Variants in KCNAB1 observed in about 807,000 individuals in gnomAD.
KCNAB1 encodes voltage-gated potassium channel subunit beta-1.
A neutral mutation model predicts 64.6 loss-of-function variants in KCNAB1; 35 were observed. That is an observed-to-expected ratio of 0.54 (90% CI 0.41 to 0.72). KCNAB1 has a LOEUF of 0.72. Among genes scored for constraint, KCNAB1 ranks in the 30% least tolerant of loss-of-function variants. KCNAB1 has a pLI of 0.00. For missense variants in KCNAB1, 401 were observed against 512.9 expected, an observed-to-expected ratio of 0.78 and a Z score of 2.11; for synonymous variants, 177 against 183.8, an observed-to-expected ratio of 0.96 and a Z score of 0.30.
chr3:156,439,949 C>T (rs1357432), intron 2 of KCNAB1, among the ~76,000 whole-genome samples: 80,743 of 152,028 alleles, frequency 0.53, 21,665 homozygotes, highest in Admixed American at 0.6. Flanking sequence ...ACATAAAGGC[C>T]AGGAATGGAT....
intron 12 of KCNAB1, among the ~76,000 whole-genome samples, 161 bp from the exon 13 acceptor site, chr3:156,531,248 G>A (rs1388767958): frequency 6.6e-6 from 1 of 152,112 alleles, no homozygotes; most frequent in African/African-American, 2.4e-5. Flanking sequence ...CTACACAACA[G>A]GGGGTGCTGC....
intron 1 of KCNAB1, among the ~76,000 whole-genome samples, chr3:156,206,454 C>T (rs1376525746): frequency 6.6e-6 from 1 of 152,156 alleles, no homozygotes; most frequent in African/African-American, 2.4e-5. Context: ...GAGAACCTTC[C>T]TGAGGCTATA....
chr3:156,253,113 C>T (rs1173359375), intron 1 of KCNAB1, among the ~76,000 whole-genome samples: 2 of 152,166 alleles, frequency 1.3e-5, no homozygotes, highest in Non-Finnish European at 2.9e-5. Context: ...TTAACTAAAT[C>T]CGTGGGTGTC....
chr3:156,377,872 C>T (rs1049029338), intron 1 of KCNAB1, among the ~76,000 whole-genome samples: 2 of 151,814 alleles, frequency 1.3e-5, no homozygotes, highest in Non-Finnish European at 2.9e-5. Flanking sequence ...GGTGTGCTTC[C>T]CTATTTTTAT....
At chr3:156,141,852 G>A (rs1161131619) in intron 1 of KCNAB1, among the ~76,000 whole-genome samples, 3 of 152,176 alleles carry the variant, frequency 2.0e-5, no homozygotes, top group Non-Finnish European at 2.9e-5. Context: ...TTCTGGAGTG[G>A]CTGAACCATT....
chr3:156,539,069 T>A (rs1576993422), downstream of KCNAB1: 1 of 151,418 alleles, frequency 6.6e-6, no homozygotes, highest in African/African-American at 2.5e-5. Context: ...TTCCACGCAC[T>A]CTTATTATTT....
chr3:156,429,235 G>A (rs1716042776), intron 2 of KCNAB1, among the ~76,000 whole-genome samples: 1 of 152,220 alleles, frequency 6.6e-6, no homozygotes, highest in Non-Finnish European at 1.5e-5. Context: ...AGAAAAATGT[G>A]TGAACTGATA....
chr3:156,536,574 A>G, intron 13 of KCNAB1, 84 bp from the exon 14 acceptor site: 3 of 902,004 alleles, frequency 3.3e-6, no homozygotes, highest in Non-Finnish European at 5.6e-6. Flanking sequence ...ATGATTCTAG[A>G]TTACTTTGCT....
intron 8 of KCNAB1, among the ~76,000 whole-genome samples, chr3:156,480,223 C>T (rs1040115941): frequency 2.0e-5 from 3 of 152,110 alleles, no homozygotes; most frequent in African/African-American, 7.2e-5. Flanking sequence ...TTCGAAAAAA[C>T]ATGATATAGA....
intron 1 of KCNAB1, among the ~76,000 whole-genome samples, chr3:156,181,528 A>G (rs1399174934): frequency 7.2e-5 from 11 of 152,194 alleles, no homozygotes; most frequent in Non-Finnish European, 1.2e-4. Flanking sequence ...TTGGCTGGAA[A>G]GAATACAGAG....
intron 1 of KCNAB1, among the ~76,000 whole-genome samples, chr3:156,319,256 T>C (rs143301896): frequency 5.8e-4 from 89 of 152,304 alleles, no homozygotes; most frequent in East Asian, 3.3e-3. Flanking sequence ...ATGCTGCAGG[T>C]GCAAATAGCC....
intron 1 of KCNAB1, among the ~76,000 whole-genome samples, chr3:156,378,902 T>C (rs3772253): frequency 0.29 from 44,603 of 151,886 alleles, 8,985 homozygotes; most frequent in African/African-American, 0.58. Flanking sequence ...AAAGAGAAAA[T>C]GGAATGTCCC....
chr3:156,363,629 C>T (rs544080872), intron 1 of KCNAB1, among the ~76,000 whole-genome samples: 21 of 152,254 alleles, frequency 1.4e-4, no homozygotes, highest in African/African-American at 5.1e-4. Context: ...GCGCACACCA[C>T]CACACCCGGC....
At chr3:156,477,326 T>G (rs1714441855) in intron 8 of KCNAB1, among the ~76,000 whole-genome samples, 1 of 152,140 alleles carries the variant, frequency 6.6e-6, no homozygotes, top group Non-Finnish European at 1.5e-5. Flanking sequence ...GGAAGCTATT[T>G]TATCCTGAGT....
intron 2 of KCNAB1, among the ~76,000 whole-genome samples, chr3:156,440,654 G>C (rs11924393): frequency 0.018 from 2,757 of 152,298 alleles, 68 homozygotes; most frequent in East Asian, 0.1. Flanking sequence ...CTAAGAGTCA[G>C]TGCATAAAAA....
intron 2 of KCNAB1, among the ~76,000 whole-genome samples, chr3:156,426,442 A>C (rs1715823757): frequency 6.6e-6 from 1 of 152,232 alleles, no homozygotes; most frequent in Non-Finnish European, 1.5e-5. Flanking sequence ...CCAGAGTGGC[A>C]CATTTGTTAC....
intron 1 of KCNAB1, among the ~76,000 whole-genome samples, chr3:156,420,756 T>C (rs746931925): frequency 1.2e-3 from 178 of 152,286 alleles, no homozygotes; most frequent in Non-Finnish European, 2.2e-3. Context: ...TTTTCCTCTA[T>C]GCTAGTCAGA....
intron 1 of KCNAB1, among the ~76,000 whole-genome samples, chr3:156,309,513 A>T (rs916687589): frequency 2.0e-5 from 3 of 152,276 alleles, no homozygotes; most frequent in Non-Finnish European, 4.4e-5. Context: ...GGGTTTCTGC[A>T]TAAAGCAAAA....
At chr3:156,179,844 T>A (rs4679763) in intron 1 of KCNAB1, among the ~76,000 whole-genome samples, 112,158 of 152,144 alleles carry the variant, frequency 0.74, 41,625 homozygotes, top group East Asian at 0.9. Flanking sequence ...CTTTTCTTTC[T>A]TGACCATAGT....
Sources: gnomAD v4.1 joint callset for allele counts (sites outside exome capture counted in the v4.1 genomes callset) on GRCh38, gnomAD v4.1.1 for gene constraint, MANE v1.5 for transcripts, NCBI Gene and HGNC (gene_info 2026-07-23, HGNC 2026-07-21) for gene names.